The following B3GALT1 variants were observed in gnomAD, a reference collection of about 807,000 sequenced individuals.
B3GALT1 encodes the protein beta-1,3-galactosyltransferase 1.
B3GALT1 carries 10 observed loss-of-function variants against 23.2 expected under a neutral mutation model. The ratio of observed to expected loss-of-function variants is 0.43; its 90% CI spans 0.27 to 0.73. B3GALT1 has a LOEUF of 0.73. B3GALT1 is among the 30% of genes least tolerant of loss of function. The pLI, the probability that B3GALT1 is intolerant of heterozygous loss-of-function variation, is 0.21. For missense variants in B3GALT1, 299 were observed against 405.4 expected (o/e 0.74, Z 2.25); for synonymous variants, 156 against 141.5 (o/e 1.10, Z -0.73).
chr2:167,374,222 T>C (rs1050272036), intron 1 of B3GALT1, among the ~76,000 whole-genome samples: 1 of 152,196 alleles, frequency 6.6e-6, no homozygotes, highest in African/African-American at 2.4e-5. Flanking sequence ...TGCATAGTAT[T>C]CCATGATGTT....
chr2:167,581,582 C>G (rs1240794587), intron 2 of B3GALT1, among the ~76,000 whole-genome samples: 1 of 152,192 alleles, frequency 6.6e-6, no homozygotes, highest in Non-Finnish European at 1.5e-5. Context: ...TTCTTGTGAA[C>G]AAGTGTTTTC....
At chr2:167,489,549 A>G (rs1421321595) in intron 1 of B3GALT1, among the ~76,000 whole-genome samples, 1 of 152,210 alleles carries the variant, frequency 6.6e-6, no homozygotes, top group Admixed American at 6.5e-5. Context: ...TGCGAGTTCC[A>G]GAAAAGAATG....
At chr2:167,561,489 A>G (rs1033224290) in intron 2 of B3GALT1, among the ~76,000 whole-genome samples, 3 of 151,950 alleles carry the variant, frequency 2.0e-5, no homozygotes, top group Admixed American at 1.3e-4. Flanking sequence ...GACACAAAAA[A>G]CCCTTCAAAA....
chr2:167,668,983 C>G (rs759583994), intron 3 of B3GALT1, among the ~76,000 whole-genome samples: 13 of 152,166 alleles, frequency 8.5e-5, no homozygotes, highest in Non-Finnish European at 1.8e-4. Flanking sequence ...TCTAATGTCA[C>G]TTTCCAATGA....
At chr2:167,790,767 T>C (rs1455211308) in intron 3 of B3GALT1, among the ~76,000 whole-genome samples, 2 of 152,340 alleles carry the variant, frequency 1.3e-5, no homozygotes, top group East Asian at 3.9e-4. Context: ...AACCTCTTCC[T>C]CCTTTTTCTG....
intron 3 of B3GALT1, among the ~76,000 whole-genome samples, chr2:167,672,896 A>G (rs1021166024): frequency 3.3e-5 from 5 of 151,948 alleles, no homozygotes; most frequent in South Asian, 2.1e-4. Flanking sequence ...TTTCACTGCA[A>G]TTATTCTTCA....
At chr2:167,645,442 T>C (rs1259193429) in intron 2 of B3GALT1, among the ~76,000 whole-genome samples, 1 of 151,876 alleles carries the variant, frequency 6.6e-6, no homozygotes, top group East Asian at 1.9e-4. Context: ...GTGGACATTA[T>C]CAGAAATCAA....
chr2:167,563,351 G>A (rs985316321), intron 2 of B3GALT1, among the ~76,000 whole-genome samples: 3 of 143,350 alleles, frequency 2.1e-5, no homozygotes, highest in African/African-American at 5.3e-5. Flanking sequence ...CTGGCCGGGC[G>A]GGGGGCTGAC....
Position 167,869,847 on chromosome 2 carries a change from CTG to C in B3GALT1, c.812_813del (p.Cys271SerfsTer25), listed in dbSNP as rs1207207546. On this transcript the variant is annotated frameshift_variant, in exon 5 of 5. Transcript: ENST00000392690. LOFTEE classifies it high-confidence loss of function. The surrounding 1 kb of genome is among the most constrained non-coding windows in gnomAD (Gnocchi z 6.4). The part of the protein sequence containing the change: ...LLHLEDVYVG[L>X]CLRKLGIHPF... ...TCACCTTGAAGACGTATATGTGGGACTGTGTCTTCGAAAGCTGGGCATACATC... is the reference window on the plus strand; with the variant it reads ...TCACCTTGAAGACGTATATGTGGGACTGTCTTCGAAAGCTGGGCATACATC... The C allele has an allele frequency of 1.9e-6, 3 of 1,614,142 alleles. No homozygotes were observed. The Admixed American group carries it at 5.0e-5, about 27-fold the overall frequency.
intron 1 of B3GALT1, among the ~76,000 whole-genome samples, chr2:167,400,166 C>CTGTGTG (rs149993955): frequency 0.014 from 1,976 of 145,772 alleles, 42 homozygotes; most frequent in East Asian, 0.095. Flanking sequence ...ACATCTATGT[C>CTGTGTG]TGTGTGTGTG....
chr2:167,392,001 G>A (rs897093970), intron 1 of B3GALT1, among the ~76,000 whole-genome samples: 1 of 151,944 alleles, frequency 6.6e-6, no homozygotes, highest in Admixed American at 6.6e-5. Flanking sequence ...CACCCTTACC[G>A]GACTTGACTT....
chr2:167,324,485 C>A (rs1696861487), intron 1 of B3GALT1, among the ~76,000 whole-genome samples: 1 of 151,972 alleles, frequency 6.6e-6, no homozygotes, highest in Admixed American at 6.6e-5. Flanking sequence ...AAAAAATGTG[C>A]TTAACATTGC....
intron 1 of B3GALT1, among the ~76,000 whole-genome samples, chr2:167,450,508 C>G (rs568913488): frequency 6.6e-6 from 1 of 152,206 alleles, no homozygotes; most frequent in Admixed American, 6.5e-5. Context: ...GTTTAAGGAG[C>G]CTGAAGATAG....
At position 167,464,524 on chromosome 2, in the gene B3GALT1, C is replaced by T. The variant is rs552149829; in HGVS notation, c.-510-25653C>T. Among the ~76,000 whole-genome samples, 28 of 152,182 alleles carry T rather than the reference C, an allele frequency of 1.8e-4. No homozygotes were observed. The South Asian group carries it at 4.0e-3, about 21-fold the overall frequency. On this transcript the variant is annotated intron_variant, in intron 1 of 4. Transcript: ENST00000392690. ...ATGTACAGTGCTAATAGTGGTCAGTCGTCTGTTTAGTAGAATCAGAATTCA... is the reference window on the plus strand; with the variant it reads ...ATGTACAGTGCTAATAGTGGTCAGTTGTCTGTTTAGTAGAATCAGAATTCA...
Position 167,796,053 on chromosome 2 carries a change from C to T in B3GALT1, c.-351-22619C>T, listed in dbSNP as rs114324420. On this transcript the variant is annotated intron_variant, in intron 3 of 4. Transcript: ENST00000392690. Reference sequence around the variant, plus strand: ...TACACTTCAACTTTTAGATAGTGCTCATTATATAATTTAATCTTCCCTCTT... The same window carrying T: ...TACACTTCAACTTTTAGATAGTGCTTATTATATAATTTAATCTTCCCTCTT... 1.9e-3 allele frequency among the ~76,000 whole-genome samples: 287 copies of T among 152,320 alleles called. 3 individuals are homozygous for T. The highest frequency in any genetic ancestry group is 5.9e-3 in the African/African-American group (246 of 41,578).
rs996392503 is a variant in B3GALT1, at chr2:167,503,288, T to C, written c.-410+13011T>C. On this transcript the variant is annotated intron_variant, in intron 2 of 4. Transcript: ENST00000392690. ...CTGACAGGTATTTATGGGTGACTTT[T>C]TGAGAAAATTTCAAGGGTGCATATA... is the stretch of plus-strand genomic sequence containing the variant. 2.0e-5 allele frequency among the ~76,000 whole-genome samples: 3 copies of C among 152,112 alleles called. 1 individual carries two copies. Among genetic ancestry groups the C allele is most frequent in the Non-Finnish European group, 1.5e-5 (1 of 68,026 alleles).
intron 2 of B3GALT1, among the ~76,000 whole-genome samples, chr2:167,601,055 G>A (rs1024567459): frequency 1.7e-4 from 23 of 134,622 alleles, no homozygotes; most frequent in East Asian, 1.0e-3. Context: ...TAGATCCTCC[G>A]TTTGTTTGTT....
intron 4 of B3GALT1, among the ~76,000 whole-genome samples, chr2:167,841,405 C>G (rs140755405): frequency 1.3e-5 from 2 of 151,984 alleles, no homozygotes; most frequent in African/African-American, 2.4e-5. Context: ...AAATGGAGAC[C>G]GAAAATTTGG....
chr2:167,710,877 GCTGGTCT>G (rs1346467233), intron 3 of B3GALT1, among the ~76,000 whole-genome samples: 4 of 152,156 alleles, frequency 2.6e-5, no homozygotes, highest in Non-Finnish European at 5.9e-5. Flanking sequence ...ATAGCCCGTA[GCTGGTCT>G]CTTTGCTTTT....
Sources: allele counts gnomAD v4.1 joint callset (sites outside exome capture counted in the v4.1 genomes callset), GRCh38; gene constraint gnomAD v4.1.1; non-coding constraint Gnocchi (gnomAD v3.1); transcripts MANE v1.5; gene names NCBI Gene and HGNC (gene_info 2026-07-23, HGNC 2026-07-21).